Variants in XKR4 observed in about 807,000 individuals in gnomAD.
The protein encoded by XKR4 is XK-related protein 4.
A neutral mutation model predicts 53.9 loss-of-function variants in XKR4; 12 were observed. That is an observed-to-expected ratio of 0.22 (90% confidence interval 0.14 to 0.36). The LOEUF is 0.36. Ranked by LOEUF, XKR4 falls within the 10% of genes least tolerant of loss-of-function variation. The pLI is 1.00. For missense variants in XKR4, 799 were observed against 859.5 expected (o/e 0.93, Z 0.88); for synonymous variants, 354 against 362.4 (o/e 0.98, Z 0.26).
intron 2 of XKR4, among the ~76,000 whole-genome samples, chr8:55,413,784 C>T (rs1022912941): frequency 4.6e-5 from 7 of 152,170 alleles, no homozygotes; most frequent in Non-Finnish European, 2.9e-5. Context: ...TCAGTCTCAC[C>T]GCTTTCCCCT....
intron 2 of XKR4, among the ~76,000 whole-genome samples, chr8:55,465,269 G>T (rs1174774564): frequency 6.6e-6 from 1 of 152,106 alleles, no homozygotes. Flanking sequence ...AAACAGCATG[G>T]TACTGGTACC....
At chr8:55,319,147 GA>G (rs1291942809) in intron 1 of XKR4, among the ~76,000 whole-genome samples, 2 of 152,000 alleles carry the variant, frequency 1.3e-5, no homozygotes, top group African/African-American at 4.8e-5. Flanking sequence ...GAAATACACT[GA>G]CAAAAATTCA....
intron 2 of XKR4, among the ~76,000 whole-genome samples, chr8:55,496,678 C>G (rs777681727): frequency 6.6e-5 from 10 of 152,164 alleles, no homozygotes; most frequent in Non-Finnish European, 1.5e-4. Context: ...ACTATGTAGG[C>G]TTTTGAATGT....
chr8:55,424,137 G>C (rs568617756), intron 2 of XKR4, among the ~76,000 whole-genome samples: 62 of 152,142 alleles, frequency 4.1e-4, no homozygotes, highest in Non-Finnish European at 8.4e-4. Context: ...GATCACCTCG[G>C]GGCATTGCCC....
At chr8:55,283,743 AT>A (rs1818870839) in intron 1 of XKR4, among the ~76,000 whole-genome samples, 1 of 152,242 alleles carries the variant, frequency 6.6e-6, no homozygotes, top group Non-Finnish European at 1.5e-5. Context: ...ATATTTCTCT[AT>A]TCAGAATAAA....
intron 2 of XKR4, among the ~76,000 whole-genome samples, chr8:55,459,605 G>C (rs533358311): frequency 6.6e-5 from 10 of 151,810 alleles, no homozygotes; most frequent in Non-Finnish European, 1.5e-4. Context: ...AATAAAAATA[G>C]ATAAAATGTT....
chr8:55,338,553 A>G (rs150987255), intron 1 of XKR4, among the ~76,000 whole-genome samples: 1 of 152,322 alleles, frequency 6.6e-6, no homozygotes, highest in African/African-American at 2.4e-5. Context: ...TCACATGTTG[A>G]CACCCTCTTA....
intron 1 of XKR4, among the ~76,000 whole-genome samples, chr8:55,107,801 G>A (rs537508724): frequency 1.3e-5 from 2 of 152,194 alleles, no homozygotes; most frequent in African/African-American, 4.8e-5. Flanking sequence ...TATAGATTAG[G>A]CAAGATTGGT....
rs767972467 is a variant in XKR4, at chr8:55,523,880, A to C, written c.1606A>C (p.Thr536Pro). 6.2e-7 allele frequency: 1 copy of C among 1,614,106 alleles called. No individual in the cohort carries two copies. The highest frequency in any genetic ancestry group is 8.5e-7 in the Non-Finnish European group (1 of 1,180,018). Residue 536 changes from threonine (T) to proline (P), a missense_variant, in exon 3 of 3, where the codon ACT (threonine) becomes CCT (proline). Physicochemically the swap from Thr to Pro is conservative, Grantham distance 38. Around this residue, in one of 3 missense-constraint regions of XKR4, gnomAD observed 269 missense variants for 264.4 expected, o/e 1.02. Transcript: ENST00000327381. ...CACEDPAAAFTLPPDVATSTL... is the reference protein window; with the variant it reads ...CACEDPAAAFPLPPDVATSTL... ...TTGTGAGGACCCAGCCGCTGCCTTC[A>C]CTTTGCCCCCAGACGTGGCCACAAG... is the stretch of plus-strand genomic sequence containing the variant.
chr8:55,247,487 A>G (rs1019710460), intron 1 of XKR4, among the ~76,000 whole-genome samples: 1 of 152,222 alleles, frequency 6.6e-6, no homozygotes, highest in African/African-American at 2.4e-5. Context: ...TAATTTACCA[A>G]TAAAGAAACT....
intron 2 of XKR4, among the ~76,000 whole-genome samples, chr8:55,413,998 TAATC>T (rs1753855085): frequency 6.6e-6 from 1 of 152,232 alleles, no homozygotes; most frequent in Non-Finnish European, 1.5e-5. Context: ...ATTCTTTTGA[TAATC>T]AAAATATAGA....
At chr8:55,395,053 T>A (rs1804494133) in intron 2 of XKR4, among the ~76,000 whole-genome samples, 1 of 152,182 alleles carries the variant, frequency 6.6e-6, no homozygotes, top group African/African-American at 2.4e-5. Context: ...GCTATAATTA[T>A]AATGCCTGGG....
chr8:55,368,261 G>T (rs1804021900), intron 2 of XKR4, among the ~76,000 whole-genome samples: 2 of 152,146 alleles, frequency 1.3e-5, no homozygotes, highest in Non-Finnish European at 2.9e-5. Context: ...GGCCCACAAT[G>T]ATCTTTCTAT....
intron 2 of XKR4, chr8:55,454,835 C>G (rs1029175769): frequency 3.9e-6 from 3 of 763,362 alleles, no homozygotes; most frequent in Non-Finnish European, 7.3e-6. Flanking sequence ...TAAGGCCTCC[C>G]TCATCCTCCT....
At chr8:55,424,625 C>T (rs1376516120) in intron 2 of XKR4, among the ~76,000 whole-genome samples, 1 of 152,242 alleles carries the variant, frequency 6.6e-6, no homozygotes, top group Non-Finnish European at 1.5e-5. Flanking sequence ...TTCAACCACA[C>T]GTCAGTATCA....
At chr8:55,381,564 C>T (rs1324636244) in intron 2 of XKR4, among the ~76,000 whole-genome samples, 2 of 152,088 alleles carry the variant, frequency 1.3e-5, no homozygotes, top group African/African-American at 2.4e-5. Flanking sequence ...GAAGGGTGTC[C>T]CAGCCTCAGA....
intron 1 of XKR4, among the ~76,000 whole-genome samples, chr8:55,350,738 CTTTT>C (rs1028164969): frequency 8.2e-6 from 1 of 122,444 alleles, no homozygotes; most frequent in Non-Finnish European, 1.7e-5. Context: ...TTTTTCTTTT[CTTTT>C]TTTTTTTTTT....
chr8:55,235,098 A>G (rs920291653), intron 1 of XKR4, among the ~76,000 whole-genome samples: 5 of 152,114 alleles, frequency 3.3e-5, no homozygotes, highest in Admixed American at 3.3e-4. Context: ...TCTGAGGGAG[A>G]ATCTGTTCCA....
At chr8:55,323,221 T>G (rs1213593515) in intron 1 of XKR4, among the ~76,000 whole-genome samples, 1 of 152,190 alleles carries the variant, frequency 6.6e-6, no homozygotes, top group East Asian at 1.9e-4. Context: ...TGTGGTAAAA[T>G]TCACTTTTTT....
Sources: allele counts gnomAD v4.1 joint callset (sites outside exome capture counted in the v4.1 genomes callset), GRCh38; gene constraint gnomAD v4.1.1; regional missense constraint gnomAD v4.1.1; transcripts MANE v1.5; gene names NCBI Gene and HGNC (gene_info 2026-07-23, HGNC 2026-07-21).